Variants in BPI observed in about 807,000 individuals in gnomAD.
BPI encodes bactericidal permeability increasing protein.
A neutral mutation model predicts 57.6 loss-of-function variants in BPI; 48 were observed. The observed-to-expected ratio is 0.83, with a 90% CI of 0.66 to 1.06. The LOEUF is 1.06. Among genes scored for constraint, BPI ranks in the 50% least tolerant of loss-of-function variants. BPI has a pLI of 0.00. For synonymous variants in BPI, 237 were observed against 238.2 expected (o/e 0.99, Z 0.05); for missense variants, 651 against 609.7 (o/e 1.07, Z -0.71).
At chr20:38,319,095 C>A (rs1449691666) in intron 6 of BPI, among the ~76,000 whole-genome samples, 1 of 152,092 alleles carries the variant, frequency 6.6e-6, no homozygotes, top group Admixed American at 6.6e-5. Flanking sequence ...ATTTGCCAGG[C>A]ATCATGGCAG....
At position 38,326,343 on chromosome 20, in the gene BPI, A is replaced by T; in HGVS notation, c.1072A>T (p.Thr358Ser). ...STPPHLSVQPTGLTFYPAVDV... is the reference protein window; with the variant it reads ...STPPHLSVQPSGLTFYPAVDV... ...CCCGCCACACCTGTCTGTGCAGCCC[A>T]CCGGCCTTACCTTCTACCCTGCCGT... Residue 358 changes from threonine to serine, a missense_variant, in exon 10 of 15, where the codon ACC (threonine) becomes TCC (serine). Physicochemically the swap from Thr to Ser is moderately conservative, Grantham distance 58. Transcript: ENST00000642449. 6.2e-7 allele frequency: 1 copy of T among 1,614,176 alleles called. No individual in the cohort carries two copies. The highest frequency in any genetic ancestry group is 1.1e-5 in the South Asian group (1 of 91,082).
chr20:38,307,343 A>C (rs1374622740), intron 1 of BPI, among the ~76,000 whole-genome samples: 2 of 152,240 alleles, frequency 1.3e-5, no homozygotes, highest in African/African-American at 2.4e-5. Context: ...TTTGTGCAGT[A>C]ATGGCAGAGC....
chr20:38,307,762 C>G, intron 2 of BPI, 81 bp downstream of exon 2: 1 of 1,134,266 alleles, frequency 8.8e-7, no homozygotes, highest in Non-Finnish European at 1.3e-6. Flanking sequence ...TGCAGAGCCA[C>G]AAACTCCTCA....
At chr20:38,310,947 G>C (rs535321247) in intron 4 of BPI, among the ~76,000 whole-genome samples, 1 of 152,318 alleles carries the variant, frequency 6.6e-6, no homozygotes, top group Non-Finnish European at 1.5e-5. Context: ...TCACAAATCT[G>C]TAGGCATTCA....
intron 11 of BPI, among the ~76,000 whole-genome samples, chr20:38,330,312 T>C (rs6513228): frequency 0.012 from 1,825 of 152,276 alleles, 50 homozygotes; most frequent in African/African-American, 0.042. Flanking sequence ...CATTGTTTGA[T>C]CTCTGAGTAT....
At chr20:38,317,150 C>A (rs1345106520) in intron 5 of BPI, among the ~76,000 whole-genome samples, 1 of 152,144 alleles carries the variant, frequency 6.6e-6, no homozygotes, top group East Asian at 1.9e-4. Flanking sequence ...CATTCGAGAG[C>A]AACATCAGGA....
chr20:38,318,975 C>T (rs889715576), intron 6 of BPI, among the ~76,000 whole-genome samples: 5 of 152,204 alleles, frequency 3.3e-5, no homozygotes, highest in Non-Finnish European at 7.3e-5. Flanking sequence ...GGGGTCACAC[C>T]TGTAATCCCA....
chr20:38,335,562 T>C, intron 13 of BPI, 36 bp from the exon 14 acceptor site: 1 of 1,593,046 alleles, frequency 6.3e-7, no homozygotes, highest in Non-Finnish European at 8.6e-7. Flanking sequence ...CTTCTCTTTC[T>C]TTTCTCCTGG....
intron 1 of BPI, among the ~76,000 whole-genome samples, chr20:38,307,126 C>T (rs139881996): frequency 7.0e-4 from 107 of 152,092 alleles, no homozygotes; most frequent in African/African-American, 2.1e-3. Flanking sequence ...CTAAGTGCAG[C>T]GGGTCGAGGT....
intron 7 of BPI, chr20:38,321,727 A>T (rs2076686634): frequency 6.6e-6 from 1 of 152,222 alleles, no homozygotes; most frequent in Non-Finnish European, 1.5e-5. Context: ...AAGAAGGAAA[A>T]AAAAGAGAGA....
At chr20:38,316,877 T>C in intron 5 of BPI, among the ~76,000 whole-genome samples, 1 of 152,078 alleles carries the variant, frequency 6.6e-6, no homozygotes. Flanking sequence ...ATGCCTGAAA[T>C]GGCTCAAGAA....
intron 8 of BPI, among the ~76,000 whole-genome samples, 176 bp from the exon 9 acceptor site, chr20:38,324,598 G>A (rs2076702729): frequency 6.6e-6 from 1 of 152,172 alleles, no homozygotes; most frequent in Non-Finnish European, 1.5e-5. Flanking sequence ...TGCAGAAGGT[G>A]TGGTTTGGCT....
At chr20:38,312,452 C>T (rs1046738657) in intron 5 of BPI, among the ~76,000 whole-genome samples, 3 of 152,228 alleles carry the variant, frequency 2.0e-5, no homozygotes, top group South Asian at 2.1e-4. Context: ...AGCCTAAACC[C>T]GCAACCCACA....
intron 5 of BPI, among the ~76,000 whole-genome samples, chr20:38,315,681 T>G (rs569074717): frequency 4.3e-4 from 66 of 152,154 alleles, no homozygotes; most frequent in Non-Finnish European, 7.8e-4. Context: ...TTCAAGAGCC[T>G]TATGTGGTAG....
intron 14 of BPI, 148 bp from the exon 15 acceptor site, chr20:38,336,996 AGC>A: frequency 2.2e-6 from 1 of 462,850 alleles, no homozygotes; most frequent in South Asian, 3.5e-5. Flanking sequence ...AGATCCGGGC[AGC>A]GAAACACTGA....
At chr20:38,309,529 G>A (rs914688803) in intron 3 of BPI, among the ~76,000 whole-genome samples, 1 of 152,122 alleles carries the variant, frequency 6.6e-6, no homozygotes, top group African/African-American at 2.4e-5. Flanking sequence ...CTTGGTGATA[G>A]CAGAGGTGTA....
rs779790172 is a variant in BPI, at chr20:38,320,205, G to T, written c.687G>T (p.Val229=). 12 of 1,613,846 alleles carry T rather than the reference G, an allele frequency of 7.4e-6. No homozygotes were observed. Among genetic ancestry groups the T allele is most frequent in the Non-Finnish European group, 1.0e-5 (12 of 1,179,968 alleles). The change falls in exon 7 of 15, where the codon GTG becomes GTT. Residue 229 remains valine (V), a synonymous_variant. Coordinates refer to ENST00000642449, the MANE Select transcript of BPI (RefSeq NM_001725.3). The stretch of plus-strand genomic sequence containing the variant: ...TAGTAATGACCAAAATAGATTCTGT[G>T]GCTGGAATCAACTATGGTCTGGTGG... The part of the protein sequence containing the change: ...TLPVMTKIDS[V]AGINYGLVAP...
chr20:38,312,007 T>C (rs2076624472), intron 5 of BPI, 70 bp downstream of exon 5: 1 of 1,470,278 alleles, frequency 6.8e-7, no homozygotes, highest in South Asian at 1.1e-5. Context: ...ACCTCCCCCT[T>C]CTACGGACAC....
chr20:38,337,277 C>A lies in BPI; in HGVS notation c.*93C>A. 1 of 1,124,156 alleles carries A rather than the reference C, an allele frequency of 8.9e-7. No individual in the cohort carries two copies. Among genetic ancestry groups the A allele is most frequent in the Non-Finnish European group, 1.3e-6 (1 of 783,418 alleles). The allele number at this position is 1,124,156 out of a possible 1,614,324, so 69.6% of individuals were successfully genotyped here. A position where few individuals can be genotyped will look rare whatever the true frequency, so the allele number is the denominator to read the frequency against. ...TTTCCCCAGGGAATCCTCTCCAGATCTTAACCAAGAGCCCCTTGCAAACTT... is the reference window on the plus strand; with the variant it reads ...TTTCCCCAGGGAATCCTCTCCAGATATTAACCAAGAGCCCCTTGCAAACTT... On this transcript the variant is annotated 3_prime_UTR_variant, in exon 15 of 15. Transcript: ENST00000642449.
Sources: gnomAD v4.1 joint callset for allele counts (sites outside exome capture counted in the v4.1 genomes callset) on GRCh38, gnomAD v4.1.1 for gene constraint, MANE v1.5 for transcripts, NCBI Gene and HGNC (gene_info 2026-07-23, HGNC 2026-07-21) for gene names.